The following CCDC62 variants were observed in gnomAD, a reference collection of about 807,000 sequenced individuals.
The protein encoded by CCDC62 is coiled-coil domain containing 62, also known as coiled-coil domain-containing protein 62.
In CCDC62, 72 loss-of-function variants were observed where a neutral mutation model predicts 80.8. That is an observed-to-expected ratio of 0.89 (90% confidence interval 0.74 to 1.08). CCDC62 has a LOEUF of 1.08. Ranked by LOEUF, CCDC62 falls within the 50% of genes least tolerant of loss-of-function variation. The pLI is 0.00. For synonymous variants in CCDC62, 286 were observed against 296.5 expected (o/e 0.96, Z 0.36); for missense variants, 704 against 809.4 (o/e 0.87, Z 1.58).
At chr12:122,781,521 A>G (rs951418964) in intron 3 of CCDC62, among the ~76,000 whole-genome samples, 191 bp downstream of exon 3, 9 of 152,058 alleles carry the variant, frequency 5.9e-5, no homozygotes, top group African/African-American at 9.7e-5. Flanking sequence ...CCCCATCTCT[A>G]CTAAAAATAC....
intron 11 of CCDC62, among the ~76,000 whole-genome samples, chr12:122,822,598 G>A (rs1181022593): frequency 9.0e-6 from 1 of 111,556 alleles, no homozygotes; most frequent in Non-Finnish European, 1.7e-5. Context: ...TTTTGAGATG[G>A]AGTCTCGGTC....
rs563139177 is a variant in CCDC62, at chr12:122,816,326, C to T, written c.2001+2907C>T. ...AAACTATTTTGGTGCTTAGCTATCC[C>T]TTTAAATGTATGCAGTGAGGCTGCT... On this transcript the variant is annotated intron_variant, in intron 11 of 12. Coordinates refer to ENST00000253079, the MANE Select transcript of CCDC62 (RefSeq NM_201435.5). Among the ~76,000 whole-genome samples, 5 of 152,306 alleles carry T rather than the reference C, an allele frequency of 3.3e-5. No individual in the cohort carries two copies. In the South Asian group the frequency reaches 1.0e-3, roughly 32 times the overall value.
intron 10 of CCDC62, among the ~76,000 whole-genome samples, chr12:122,812,924 G>A (rs2032004354): frequency 6.6e-6 from 1 of 152,042 alleles, no homozygotes; most frequent in African/African-American, 2.4e-5. Context: ...GTGATCGGGT[G>A]TAGTGGCTCA....
At chr12:122,783,051 G>C (rs1322435435) in intron 3 of CCDC62, among the ~76,000 whole-genome samples, 2 of 150,652 alleles carry the variant, frequency 1.3e-5, no homozygotes, top group Non-Finnish European at 3.0e-5. Context: ...AGGTTGCAGT[G>C]AGCCGAGATC....
intron 6 of CCDC62, among the ~76,000 whole-genome samples, chr12:122,792,663 C>T (rs886496375): frequency 1.3e-5 from 2 of 151,200 alleles, no homozygotes; most frequent in African/African-American, 2.4e-5. Flanking sequence ...GGATTACAGG[C>T]GCATGCTACC....
intron 11 of CCDC62, among the ~76,000 whole-genome samples, chr12:122,822,060 A>AACACGCACAC (rs1555259498): frequency 1.7e-5 from 2 of 115,764 alleles, no homozygotes; most frequent in Non-Finnish European, 3.4e-5. Flanking sequence ...TATAAATTTA[A>AACACGCACAC]ACACACACAC....
chr12:122,779,634 G>A (rs570352317), intron 2 of CCDC62, among the ~76,000 whole-genome samples: 48 of 152,256 alleles, frequency 3.2e-4, no homozygotes, highest in African/African-American at 9.4e-4. Flanking sequence ...AAGGCCTGGC[G>A]CTGTGGCTCA....
At position 122,789,639 on chromosome 12, in the gene CCDC62, G is replaced by A. The variant is rs2030477008; in HGVS notation, c.670+710G>A. On this transcript the variant is annotated intron_variant, in intron 5 of 12. Coordinates refer to ENST00000253079, the MANE Select transcript of CCDC62 (RefSeq NM_201435.5). ...GTAGAGACAGAGTTTTGCCATGTTGGCCAGACTAGTCTGGAACTCCCGACC... is the reference window on the plus strand; with the variant it reads ...GTAGAGACAGAGTTTTGCCATGTTGACCAGACTAGTCTGGAACTCCCGACC... Among the ~76,000 whole-genome samples, 2 of 152,096 alleles carry A rather than the reference G, an allele frequency of 1.3e-5. 1 individual carries two copies. Among genetic ancestry groups the A allele is most frequent in the South Asian group, 4.1e-4 (2 of 4,832 alleles).
intron 9 of CCDC62, among the ~76,000 whole-genome samples, chr12:122,803,813 A>G (rs1241656267): frequency 6.6e-6 from 1 of 152,216 alleles, no homozygotes; most frequent in East Asian, 1.9e-4. Context: ...TCACTACTGA[A>G]CAAGGACACT....
intron 10 of CCDC62, among the ~76,000 whole-genome samples, chr12:122,812,781 A>G (rs55779986): frequency 0.04 from 3,336 of 82,940 alleles, 129 homozygotes; most frequent in African/African-American, 0.085. Flanking sequence ...GAGAGAGAGA[A>G]AGAAAGAAAG....
chr12:122,798,242 T>C (rs913261426), intron 8 of CCDC62, 42 bp downstream of exon 8: 3 of 961,138 alleles, frequency 3.1e-6, no homozygotes, highest in Non-Finnish European at 3.4e-6. Context: ...TTGTATTATA[T>C]TCCATCAGCC....
At position 122,781,240 on chromosome 12, in the gene CCDC62, A is replaced by T; in HGVS notation, c.306A>T (p.Glu102Asp). The change falls in exon 3 of 13, where the codon GAA (glutamate) becomes GAT (aspartate). Residue 102 changes from glutamate to aspartate, a missense_variant. By Grantham distance (45) the Glu-to-Asp change is conservative (BLOSUM62 2). Coordinates refer to ENST00000253079, the MANE Select transcript of CCDC62 (RefSeq NM_201435.5). Reference sequence around the variant, plus strand: ...AAGCTCTTGAATCCAATCAAATGGAATGCCAAACAGCTCTCCAAAAGACCC... The same window carrying T: ...AAGCTCTTGAATCCAATCAAATGGATTGCCAAACAGCTCTCCAAAAGACCC... ...KVKALESNQM[E>D]CQTALQKTQL... 1 of 1,613,974 alleles carries T rather than the reference A, an allele frequency of 6.2e-7. No individual in the cohort carries two copies. Among genetic ancestry groups the T allele is most frequent in the Non-Finnish European group, 8.5e-7 (1 of 1,179,840 alleles).
rs1448644618 is a variant in CCDC62 at position 122,827,454 on chromosome 12, G to C, written c.*1073G>C. On this transcript the variant is annotated 3_prime_UTR_variant, in exon 13 of 13. Transcript: ENST00000253079. ...CACCTCATTTAGCCTTTTTAATTAG[G>C]GTGCTGAAAAGAGAAGTTGGGTGAG... The C allele has an allele frequency of 8.5e-5, 13 of 152,062 alleles. No individual in the cohort carries two copies. The highest frequency in any genetic ancestry group is 3.1e-4 in the African/African-American group (13 of 41,368). 9.4% of individuals were successfully genotyped at this position (152,062 alleles called of 1,614,324 possible).
chr12:122,788,516 C>T (rs898393930), intron 4 of CCDC62, among the ~76,000 whole-genome samples: 3 of 152,198 alleles, frequency 2.0e-5, no homozygotes, highest in African/African-American at 7.2e-5. Context: ...CAAATGGTGG[C>T]TCCACCACTA....
rs190423909 is a variant in CCDC62, at chr12:122,811,608, T to C, written c.1852-1662T>C. On this transcript the variant is annotated intron_variant, in intron 10 of 12. Transcript: ENST00000253079. ...GCTAAGGAAGGGGGATCACCTAAGGTCAGGAGATCGAGACCATCCTGACCA... is the reference window on the plus strand; with the variant it reads ...GCTAAGGAAGGGGGATCACCTAAGGCCAGGAGATCGAGACCATCCTGACCA... Among the ~76,000 whole-genome samples, 9 of 146,734 alleles carry C rather than the reference T, an allele frequency of 6.1e-5. No homozygotes were observed. In the East Asian group the frequency reaches 1.6e-3, roughly 26 times the overall value.
At chr12:122,779,627 G>T (rs1259189299) in intron 2 of CCDC62, among the ~76,000 whole-genome samples, 1 of 152,202 alleles carries the variant, frequency 6.6e-6, no homozygotes, top group African/African-American at 2.4e-5. Flanking sequence ...ATGTAAAAAG[G>T]CCTGGCGCTG....
chr12:122,788,348 C>A (rs1480527643), intron 4 of CCDC62, among the ~76,000 whole-genome samples: 1 of 152,158 alleles, frequency 6.6e-6, no homozygotes, highest in Non-Finnish European at 1.5e-5. Context: ...ATTAGACTTA[C>A]CTGTATAATC....
intron 9 of CCDC62, 149 bp downstream of exon 9, chr12:122,802,001 CT>C: frequency 1.2e-6 from 1 of 819,360 alleles, no homozygotes; most frequent in Non-Finnish European, 1.9e-6. Context: ...ATGGTTCCCT[CT>C]TTTCATCACA....
chr12:122,801,867 C>T lies in CCDC62; in HGVS notation c.1706+15C>T, dbSNP rs2031336120. On this transcript the variant is annotated intron_variant, in intron 9 of 12. Coordinates refer to ENST00000253079, the MANE Select transcript of CCDC62 (RefSeq NM_201435.5). ...TCCCCGGCAAGGTGAGTAACGTTCA[C>T]ATCTGTAAACACCCACGGAGCATGC... 1.9e-6 allele frequency: 3 copies of T among 1,608,498 alleles called. No individual in the cohort carries two copies. Among genetic ancestry groups the T allele is most frequent in the South Asian group, 2.2e-5 (2 of 90,752 alleles).
Sources: gnomAD v4.1 joint callset for allele counts (sites outside exome capture counted in the v4.1 genomes callset) on GRCh38, gnomAD v4.1.1 for gene constraint, MANE v1.5 for transcripts, NCBI Gene and HGNC (gene_info 2026-07-23, HGNC 2026-07-21) for gene names.